Variants in SYT3 observed in about 807,000 individuals in gnomAD.
SYT3 encodes the protein synaptotagmin 3, also known as synaptotagmin-3.
In SYT3, 25 loss-of-function variants were observed where a neutral mutation model predicts 50.6. The ratio of observed to expected loss-of-function variants is 0.49; its 90% CI spans 0.36 to 0.69. SYT3 has a LOEUF of 0.69. Ranked by LOEUF, SYT3 falls within the 30% of genes least tolerant of loss-of-function variation. The pLI is 0.00. For missense variants in SYT3, 589 were observed against 793.6 expected (o/e 0.74, Z 3.10); for synonymous variants, 323 against 353.9 (o/e 0.91, Z 0.98).
chr19:50,643,867 T>C (rs1161192478), upstream of SYT3, among the ~76,000 whole-genome samples: 1 of 152,116 alleles, frequency 6.6e-6, no homozygotes. Flanking sequence ...GGAACATCCA[T>C]TGTGCTGTGT....
chr19:50,649,940 C>T, the SYT3 span: 2 of 432,728 alleles, frequency 4.6e-6, no homozygotes, highest in African/African-American at 2.0e-5. Context: ...AATTCCCTCC[C>T]ACAGCCCATC....
intron 3 of SYT3, among the ~76,000 whole-genome samples, chr19:50,634,331 G>A (rs1022011359): frequency 1.3e-5 from 2 of 152,226 alleles, no homozygotes. Context: ...TGGAATGGCT[G>A]TGTCCAGTTA....
At chr19:50,628,164 A>AAC (rs1296159285) in intron 6 of SYT3, among the ~76,000 whole-genome samples, 3 of 152,176 alleles carry the variant, frequency 2.0e-5, no homozygotes, top group African/African-American at 4.8e-5. Context: ...CCCTCCCCAC[A>AAC]ACACACACAC....
At chr19:50,623,437 A>T (rs556631277) in intron 9 of SYT3, among the ~76,000 whole-genome samples, 1 of 152,150 alleles carries the variant, frequency 6.6e-6, no homozygotes, top group South Asian at 2.1e-4. Context: ...ACCCAGTACT[A>T]AATGTAAATG....
In SYT3 at chr19:50,625,302, T is replaced by C; in HGVS notation, c.1575-8A>G. ...ACCTCGTTGTGCCCGATGCTGGGGGTTGGGGTCAGTGAGGACCGTGGAGGG... is the reference window on the plus strand; with the variant it reads ...ACCTCGTTGTGCCCGATGCTGGGGGCTGGGGTCAGTGAGGACCGTGGAGGG... On this transcript the variant is annotated splice_region_variant and splice_polypyrimidine_tract_variant and intron_variant, in intron 8 of 10. Coordinates refer to ENST00000600079, the MANE Select transcript of SYT3 (RefSeq NM_001160329.2). This position sits in a 1 kb window ranked among gnomAD's most constrained non-coding sequence, Gnocchi z 7.5. The C allele has an allele frequency of 2.0e-6, 3 of 1,532,808 alleles. No homozygotes were observed. The highest frequency in any genetic ancestry group is 2.6e-6 in the Non-Finnish European group (3 of 1,141,336). The allele number at this position is 1,532,808 out of a possible 1,614,324, so 95.0% of individuals were successfully genotyped here. A position where few individuals can be genotyped will look rare whatever the true frequency, so the allele number is the denominator to read the frequency against.
Position 50,637,624 on chromosome 19 carries a change from AG to A in SYT3, c.-15-199del. On this transcript the variant is annotated intron_variant, in intron 2 of 10. Coordinates refer to ENST00000600079, the MANE Select transcript of SYT3 (RefSeq NM_001160329.2). The surrounding 1 kb of genome is among the most constrained non-coding windows in gnomAD (Gnocchi z 4.9). Reference sequence around the variant, plus strand: ...AGGTGACAGGTATTAGGGATGGACAAGGAAAAGGAATTAGGAGTAGACAGAC... The same window carrying A: ...AGGTGACAGGTATTAGGGATGGACAAGAAAAGGAATTAGGAGTAGACAGAC... The A allele has an allele frequency of 1.9e-6, 1 of 525,236 alleles. No individual in the cohort carries two copies. The highest frequency in any genetic ancestry group is 3.0e-5 in the East Asian group (1 of 33,056). The allele number at this position is 525,236 out of a possible 1,614,324, so 32.5% of individuals were successfully genotyped here.
chr19:50,640,598 G>A (rs999366238), upstream of SYT3, among the ~76,000 whole-genome samples: 1 of 152,164 alleles, frequency 6.6e-6, no homozygotes, highest in African/African-American at 2.4e-5. Flanking sequence ...AGACAACTGA[G>A]GCCCATGGAG....
upstream of SYT3, among the ~76,000 whole-genome samples, chr19:50,642,968 G>T (rs1474023937): frequency 6.6e-6 from 1 of 152,234 alleles, no homozygotes; most frequent in East Asian, 1.9e-4. Context: ...AAATGCATTT[G>T]CTCATTTAAA....
upstream of SYT3, among the ~76,000 whole-genome samples, chr19:50,643,819 A>G (rs1984718463): frequency 6.6e-6 from 1 of 152,030 alleles, no homozygotes; most frequent in Non-Finnish European, 1.5e-5. Flanking sequence ...AAATAACTAC[A>G]CATACTAGGA....
rs1164816818 is a variant in SYT3 at position 50,625,476 on chromosome 19, G to T, written c.1491C>A (p.Thr497=). 6.2e-7 allele frequency: 1 copy of T among 1,607,084 alleles called. No individual in the cohort carries two copies. Among genetic ancestry groups the T allele is most frequent in the East Asian group, 2.2e-5 (1 of 44,728 alleles). ...CGTCGAACACCAGCGCCTCATTATA[G>T]GTGGGGTTCAGCGTGTTCTTCTTGA... The part of the protein sequence containing the change: ...TSIKKNTLNP[T]YNEALVFDVA... Residue 497 remains threonine, a synonymous_variant, in exon 8 of 11, where the codon ACC becomes ACA. Transcript: ENST00000600079. The surrounding 1 kb of genome is among the most constrained non-coding windows in gnomAD (Gnocchi z 7.5).
chr19:50,624,456 T>C (rs527678057), intron 9 of SYT3, among the ~76,000 whole-genome samples: 1 of 152,262 alleles, frequency 6.6e-6, no homozygotes, highest in Non-Finnish European at 1.5e-5. Flanking sequence ...AATCTGCCAA[T>C]AACACTTTCT....
intron 6 of SYT3, among the ~76,000 whole-genome samples, chr19:50,628,152 C>T (rs114980823): frequency 0.015 from 2,339 of 152,282 alleles, 74 homozygotes; most frequent in African/African-American, 0.053. Flanking sequence ...ATATGAAGGC[C>T]GCCCTCCCCA....
chr19:50,649,670 C>T, the SYT3 span: 2 of 816,238 alleles, frequency 2.5e-6, no homozygotes, highest in Non-Finnish European at 4.1e-6. Context: ...GAGAGCGGCC[C>T]CCTTGGACCT....
Position 50,629,493 on chromosome 19 carries a change from T to C in SYT3, c.1082A>G (p.Asn361Ser). The change falls in exon 6 of 11, where the codon AAC becomes AGC. Residue 361 changes from asparagine (N) to serine (S), a missense_variant. Coordinates refer to ENST00000600079, the MANE Select transcript of SYT3 (RefSeq NM_001160329.2). ...FQTKVHRKTL[N>S]PVFNETFQFS... The stretch of plus-strand genomic sequence containing the variant: ...TTGAAACGTCTCATTGAAGACGGGG[T>C]TCAGGGTCTTCCTGTGCACCTGGTG... 6.2e-7 allele frequency: 1 copy of C among 1,612,730 alleles called. No individual in the cohort carries two copies. Among genetic ancestry groups the C allele is most frequent in the East Asian group, 2.2e-5 (1 of 44,776 alleles).
the SYT3 span, chr19:50,649,692 T>C: frequency 0.1 from 73,656 of 722,500 alleles, 5,748 homozygotes; most frequent in African/African-American, 0.28. Context: ...AAACTACATT[T>C]CCCATGAGCC....
In SYT3 at chr19:50,632,709, C is replaced by T. The variant is rs752224916; in HGVS notation, c.251G>A (p.Arg84Gln). 2.2e-5 allele frequency: 35 copies of T among 1,588,760 alleles called. No homozygotes were observed. Among genetic ancestry groups the T allele is most frequent in the East Asian group, 9.0e-5 (4 of 44,458 alleles). The change falls in exon 4 of 11, where the codon CGG becomes CAG. Residue 84 changes from arginine to glutamine, a missense_variant. Transcript: ENST00000600079. The surrounding 1 kb of genome is among the most constrained non-coding windows in gnomAD (Gnocchi z 4.7). ...GCCCACTGCCGAGCCTCCCTTGTCC[C>T]GCCAGGGCACCCAGCACAACTTCCA... ...VSWKLCWVPW[R>Q]DKGGSAVGGG...
chr19:50,640,285 A>G (rs1468771633), upstream of SYT3, among the ~76,000 whole-genome samples: 1 of 151,884 alleles, frequency 6.6e-6, no homozygotes, highest in Non-Finnish European at 1.5e-5. Context: ...ACCTGGGCCA[A>G]CTCCTGCCTG....
intron 3 of SYT3, among the ~76,000 whole-genome samples, chr19:50,635,545 C>T (rs1599820079): frequency 6.6e-6 from 1 of 152,154 alleles, no homozygotes; most frequent in African/African-American, 2.4e-5. Flanking sequence ...CGGGAGGGAA[C>T]CTCTAAGCCC....
rs773739876 is a variant in SYT3, at chr19:50,625,514, G to A, written c.1453C>T (p.Arg485Trp). ...GTGTTCTTCTTGATGGAGGTTTTCC[G>A]CTTCTTCAGACGCCGCCCCTCGCTG... is the stretch of plus-strand genomic sequence containing the variant. ...LISEGRRLKK[R>W]KTSIKKNTLN... The change falls in exon 8 of 11, where the codon CGG becomes TGG. Residue 485 changes from arginine to tryptophan, a missense_variant. Around this residue, in one of 2 missense-constraint regions of SYT3, gnomAD observed 273 missense variants for 439.3 expected, o/e 0.62. Transcript: ENST00000600079. The surrounding 1 kb of genome is among the most constrained non-coding windows in gnomAD (Gnocchi z 7.5). 1 of 1,609,766 alleles carries A rather than the reference G, an allele frequency of 6.2e-7. No homozygotes were observed.
Sources: allele counts gnomAD v4.1 joint callset (sites outside exome capture counted in the v4.1 genomes callset), GRCh38; gene constraint gnomAD v4.1.1; regional missense constraint gnomAD v4.1.1; non-coding constraint Gnocchi (gnomAD v3.1); transcripts MANE v1.5; gene names NCBI Gene and HGNC (gene_info 2026-07-23, HGNC 2026-07-21).